The following MYT1L variants were observed in gnomAD, a reference collection of about 807,000 sequenced individuals.
MYT1L encodes the protein myelin transcription factor 1-like protein.
A neutral mutation model predicts 126.7 loss-of-function variants in MYT1L; 12 were observed. That is an observed-to-expected ratio of 0.09 (90% CI 0.06 to 0.15). The LOEUF (loss-of-function observed/expected upper bound fraction) is 0.15, where lower values mean the gene tolerates loss of function less well. Ranked by LOEUF, MYT1L falls within the 10% of genes least tolerant of loss-of-function variation. MYT1L has a pLI of 1.00. For missense variants in MYT1L, 979 were observed against 1,585.2 expected (o/e 0.62, Z 6.49); for synonymous variants, 541 against 604.2 (o/e 0.90, Z 1.53).
In MYT1L at chr2:2,228,640, A is replaced by G. The variant is rs1372070799; in HGVS notation, c.-420-55652T>C. On this transcript the variant is annotated intron_variant, in intron 2 of 24. Transcript: ENST00000647738. This position sits in a 1 kb window ranked among gnomAD's most constrained non-coding sequence, Gnocchi z 5.9. ...AATATAAATTGCAGTCTAGAAACCC[A>G]CTTTGTCTATAAAACATTAAAATAG... Among the ~76,000 whole-genome samples, 3 of 152,134 alleles carry G rather than the reference A, an allele frequency of 2.0e-5. No individual in the cohort carries two copies. The highest frequency in any genetic ancestry group is 4.4e-5 in the Non-Finnish European group (3 of 68,014).
intron 4 of MYT1L, among the ~76,000 whole-genome samples, chr2:2,007,980 T>C (rs2063485252): frequency 6.6e-6 from 1 of 152,186 alleles, no homozygotes. Context: ...TGGTCAGCCA[T>C]TATTCCGGAG....
At chr2:1,812,923 G>C (rs1034647886) in intron 21 of MYT1L, among the ~76,000 whole-genome samples, 3 of 151,568 alleles carry the variant, frequency 2.0e-5, no homozygotes, top group African/African-American at 7.3e-5. Context: ...TGCCGCCCTG[G>C]GTTAAGATGA....
chr2:1,887,676 T>C lies in MYT1L; in HGVS notation c.2521-67A>G, dbSNP rs1376514635. 5.0e-6 allele frequency: 8 copies of C among 1,607,548 alleles called. No individual in the cohort carries two copies. The highest frequency in any genetic ancestry group is 6.8e-6 in the Non-Finnish European group (8 of 1,175,372). On this transcript the variant is annotated intron_variant, in intron 16 of 24. Transcript: ENST00000647738. This position sits in a 1 kb window ranked among gnomAD's most constrained non-coding sequence, Gnocchi z 4.8. ...ATGGCACACAGACTGAGGGAGGTGGTTCGTGGCTCTGGGGTGGCCTCTACA... is the reference window on the plus strand; with the variant it reads ...ATGGCACACAGACTGAGGGAGGTGGCTCGTGGCTCTGGGGTGGCCTCTACA...
chr2:2,206,185 C>T (rs1004652973), intron 2 of MYT1L, among the ~76,000 whole-genome samples: 10 of 151,980 alleles, frequency 6.6e-5, no homozygotes, highest in Non-Finnish European at 1.3e-4. Context: ...ACCTTGTTGG[C>T]CAGGCTGGTT....
chr2:1,793,381 C>A lies in MYT1L; in HGVS notation c.3277-917G>T, dbSNP rs188264846. 6.6e-6 allele frequency among the ~76,000 whole-genome samples: 1 copy of A among 152,204 alleles called. No individual in the cohort carries two copies. The highest frequency in any genetic ancestry group is 1.5e-5 in the Non-Finnish European group (1 of 68,038). The stretch of plus-strand genomic sequence containing the variant: ...CTTGGGCACCCAAGGGTGCCTCTGC[C>A]GTGCATGATCTGGGGCTTCTTCCTG... On this transcript the variant is annotated intron_variant, in intron 23 of 24. Coordinates refer to ENST00000647738, the MANE Select transcript of MYT1L (RefSeq NM_001303052.2). The surrounding 1 kb of genome is among the most constrained non-coding windows in gnomAD (Gnocchi z 4.6).
chr2:1,926,138 G>A (rs574537321), intron 9 of MYT1L, among the ~76,000 whole-genome samples: 20 of 152,292 alleles, frequency 1.3e-4, no homozygotes, highest in South Asian at 8.3e-4. Flanking sequence ...ATGTGGGGAC[G>A]GCGGGTGAAG....
At chr2:1,998,901 A>AAGAAAGAAAAAG (rs1200633298) in intron 4 of MYT1L, among the ~76,000 whole-genome samples, 3 of 152,124 alleles carry the variant, frequency 2.0e-5, no homozygotes, top group African/African-American at 7.2e-5. Context: ...AAAAAAAGAA[A>AAGAAAGAAAAAG]AGAAAGAAAA....
At chr2:1,792,551 C>G in intron 23 of MYT1L, 87 bp from the exon 24 acceptor site, 1 of 1,387,154 alleles carries the variant, frequency 7.2e-7, no homozygotes, top group Non-Finnish European at 9.8e-7. Context: ...CTACTGGGTG[C>G]GAAGAAGGGG....
rs1180948732 is a variant in MYT1L at position 1,841,270 on chromosome 2, T to G, written c.2775-427A>C. 2 of 107,624 alleles carry G rather than the reference T, an allele frequency of 1.9e-5. 1 individual carries two copies. The highest frequency in any genetic ancestry group is 3.6e-5 in the Non-Finnish European group (2 of 56,164). 6.7% of individuals were successfully genotyped at this position (107,624 alleles called of 1,614,324 possible). On this transcript the variant is annotated intron_variant, in intron 19 of 24. Transcript: ENST00000647738. Reference sequence around the variant, plus strand: ...GCTCCACCTCCTGGGTTCACACCATTCTCCTGCCTCAGCCTCCCAAGTAGC... The same window carrying G: ...GCTCCACCTCCTGGGTTCACACCATGCTCCTGCCTCAGCCTCCCAAGTAGC...
chr2:2,280,147 A>G (rs188405219), intron 2 of MYT1L, among the ~76,000 whole-genome samples: 17 of 152,352 alleles, frequency 1.1e-4, no homozygotes, highest in Admixed American at 4.6e-4. Context: ...ACTAAAGTAG[A>G]AAGTGTTAGA....
chr2:1,826,931 CTGAGTCCTGCT>C (rs1241303569), intron 21 of MYT1L: 1 of 152,174 alleles, frequency 6.6e-6, no homozygotes, highest in Admixed American at 6.5e-5. Context: ...GGCTCACTGA[CTGAGTCCTGCT>C]TTCTCCAGAG....
At chr2:2,119,031 G>T (rs2080604740) in intron 3 of MYT1L, among the ~76,000 whole-genome samples, 1 of 152,244 alleles carries the variant, frequency 6.6e-6, no homozygotes, top group Admixed American at 6.5e-5. Context: ...TCAACCATGT[G>T]GTTAAGACAA....
At chr2:2,037,606 A>G (rs1038467218) in intron 4 of MYT1L, among the ~76,000 whole-genome samples, 42 of 151,786 alleles carry the variant, frequency 2.8e-4, no homozygotes, top group Non-Finnish European at 4.4e-5. Flanking sequence ...AAATACAAAA[A>G]CTAGCTGGTC....
intron 18 of MYT1L, among the ~76,000 whole-genome samples, chr2:1,858,406 C>A (rs906559229): frequency 2.0e-5 from 3 of 151,838 alleles, no homozygotes; most frequent in Admixed American, 6.6e-5. Flanking sequence ...AATGAAAGAT[C>A]AAAAATATTC....
At chr2:2,033,561 T>C (rs1315804660) in intron 4 of MYT1L, among the ~76,000 whole-genome samples, 1 of 152,146 alleles carries the variant, frequency 6.6e-6, no homozygotes, top group East Asian at 1.9e-4. Context: ...ACTTTGGCTT[T>C]AAGAGGAAAA....
At chr2:1,902,622 C>A (rs923342372) in intron 14 of MYT1L, 3 of 158,240 alleles carry the variant, frequency 1.9e-5, no homozygotes, top group African/African-American at 7.2e-5. Context: ...CCAGATGGTT[C>A]TCATGTGCGT....
intron 3 of MYT1L, among the ~76,000 whole-genome samples, chr2:2,166,445 A>C (rs748852688): frequency 6.6e-5 from 10 of 152,240 alleles, no homozygotes; most frequent in Non-Finnish European, 1.5e-4. Context: ...ACTGTGTATT[A>C]TAATGAGGGG....
intron 3 of MYT1L, among the ~76,000 whole-genome samples, chr2:2,107,240 C>G (rs1251327248): frequency 6.6e-6 from 1 of 152,218 alleles, no homozygotes; most frequent in South Asian, 2.1e-4. Flanking sequence ...CTGCCGGTGA[C>G]GTCGAGCACA....
At chr2:2,227,323 G>A (rs1437809586) in intron 2 of MYT1L, among the ~76,000 whole-genome samples, 2 of 152,156 alleles carry the variant, frequency 1.3e-5, no homozygotes, top group Admixed American at 6.5e-5. Context: ...CAGCCTCATA[G>A]ATTCAATGAC....
Sources: gnomAD v4.1 joint callset for allele counts (sites outside exome capture counted in the v4.1 genomes callset) on GRCh38, gnomAD v4.1.1 for gene constraint, Gnocchi (gnomAD v3.1) non-coding constraint, MANE v1.5 for transcripts, NCBI Gene and HGNC (gene_info 2026-07-23, HGNC 2026-07-21) for gene names.